The following UNC5C variants were observed in gnomAD, a reference collection of about 807,000 sequenced individuals.
UNC5C encodes the protein unc-5 netrin receptor C, also known as netrin receptor UNC5C.
A neutral mutation model predicts 99.8 loss-of-function variants in UNC5C; 47 were observed. That is an observed-to-expected ratio of 0.47 (90% CI 0.37 to 0.60). UNC5C has a LOEUF of 0.60. UNC5C is among the 20% of genes least tolerant of loss of function. The pLI is 0.00. For missense variants in UNC5C, 1,062 were observed against 1,165.9 expected, an observed-to-expected ratio of 0.91 and a Z score of 1.30; for synonymous variants, 487 against 452.2, an observed-to-expected ratio of 1.08 and a Z score of -0.98.
rs192329753 is a variant in UNC5C at position 95,452,620 on chromosome 4, T to C, written c.124+96114A>G. On this transcript the variant is annotated intron_variant, in intron 1 of 15. Transcript: ENST00000453304. Reference sequence around the variant, plus strand: ...ATTCTGTAAAATCAACAAGGACCCATTCTTCTCCACAAATCAAATAGGTAG... The same window carrying C: ...ATTCTGTAAAATCAACAAGGACCCACTCTTCTCCACAAATCAAATAGGTAG... 2.6e-3 allele frequency among the ~76,000 whole-genome samples: 399 copies of C among 152,228 alleles called. 4 individuals carry two copies. The highest frequency in any genetic ancestry group is 9.1e-3 in the African/African-American group (378 of 41,554).
At chr4:95,352,412 C>T (rs10516966) in intron 1 of UNC5C, among the ~76,000 whole-genome samples, 3,838 of 152,208 alleles carry the variant, frequency 0.025, 134 homozygotes, top group African/African-American at 0.086. Context: ...GATTCTTGAC[C>T]ATTGTATCTC....
At chr4:95,354,066 C>T (rs1744081942) in intron 1 of UNC5C, among the ~76,000 whole-genome samples, 1 of 152,128 alleles carries the variant, frequency 6.6e-6, no homozygotes, top group African/African-American at 2.4e-5. Context: ...TCATTTCCAA[C>T]ATAAAAACAA....
chr4:95,286,004 G>A (rs1320103911), intron 3 of UNC5C, among the ~76,000 whole-genome samples: 1 of 152,080 alleles, frequency 6.6e-6, no homozygotes, highest in Admixed American at 6.6e-5. Flanking sequence ...ACCTCTTCCT[G>A]CCTTAGTTTC....
intron 4 of UNC5C, among the ~76,000 whole-genome samples, chr4:95,274,141 C>T (rs544051026): frequency 6.6e-6 from 1 of 152,142 alleles, no homozygotes; most frequent in South Asian, 2.1e-4. Flanking sequence ...AATTTCAATA[C>T]AATCGGTAGG....
intron 7 of UNC5C, among the ~76,000 whole-genome samples, chr4:95,240,753 TCTATGAATGC>T (rs1341447921): frequency 6.6e-6 from 1 of 152,192 alleles, no homozygotes; most frequent in Non-Finnish European, 1.5e-5. Context: ...AGGAAAAAAT[TCTATGAATGC>T]CTAAGAAATG....
intron 2 of UNC5C, among the ~76,000 whole-genome samples, chr4:95,320,381 C>A (rs1320373762): frequency 1.4e-5 from 2 of 139,134 alleles, no homozygotes; most frequent in African/African-American, 2.7e-5. Flanking sequence ...GAGATCATGC[C>A]ATTGTACTCC....
intron 2 of UNC5C, among the ~76,000 whole-genome samples, chr4:95,326,812 T>C (rs1236517267): frequency 6.6e-6 from 1 of 152,208 alleles, no homozygotes; most frequent in East Asian, 1.9e-4. Context: ...AATAAATTTT[T>C]GTTTAAGTTT....
chr4:95,454,124 A>G (rs919424195), intron 1 of UNC5C, among the ~76,000 whole-genome samples: 1 of 152,076 alleles, frequency 6.6e-6, no homozygotes, highest in Non-Finnish European at 1.5e-5. Context: ...AAAACCACTC[A>G]ATTTCACCCT....
chr4:95,358,588 A>G (rs1261206638), intron 1 of UNC5C, among the ~76,000 whole-genome samples: 2 of 152,160 alleles, frequency 1.3e-5, no homozygotes, highest in African/African-American at 4.8e-5. Flanking sequence ...AAGTGGCTAC[A>G]CTTCCTTCTC....
chr4:95,303,762 T>C (rs955506397), intron 2 of UNC5C, among the ~76,000 whole-genome samples: 4 of 152,192 alleles, frequency 2.6e-5, no homozygotes, highest in Admixed American at 6.5e-5. Flanking sequence ...GAATTAAATA[T>C]ATACATATAT....
At chr4:95,193,291 G>A (rs749032504) in intron 12 of UNC5C, among the ~76,000 whole-genome samples, 6 of 152,232 alleles carry the variant, frequency 3.9e-5, no homozygotes, top group Non-Finnish European at 7.3e-5. Context: ...CAGAAGGCAG[G>A]AAGCGAAGCA....
chr4:95,405,560 G>A (rs1307586100), intron 1 of UNC5C, among the ~76,000 whole-genome samples: 1 of 152,126 alleles, frequency 6.6e-6, no homozygotes, highest in Non-Finnish European at 1.5e-5. Context: ...AACAACCTGT[G>A]CCTATATTAA....
chr4:95,250,382 C>G (rs2081845090), intron 5 of UNC5C, 105 bp downstream of exon 5: 1 of 1,260,030 alleles, frequency 7.9e-7, no homozygotes, highest in African/African-American at 1.5e-5. Context: ...AAGACCCTGT[C>G]TCAAATAATA....
chr4:95,432,843 G>C (rs1746670037), intron 1 of UNC5C, among the ~76,000 whole-genome samples: 1 of 151,942 alleles, frequency 6.6e-6, no homozygotes, highest in East Asian at 1.9e-4. Context: ...GCTCATAGTG[G>C]GTAGCAACTC....
At chr4:95,467,634 T>C (rs1179852092) in intron 1 of UNC5C, among the ~76,000 whole-genome samples, 1 of 152,132 alleles carries the variant, frequency 6.6e-6, no homozygotes, top group Non-Finnish European at 1.5e-5. Flanking sequence ...CATAAAAGTA[T>C]TGATTCCAGG....
At chr4:95,243,588 A>G (rs1579261551) in intron 6 of UNC5C, among the ~76,000 whole-genome samples, 1 of 152,226 alleles carries the variant, frequency 6.6e-6, no homozygotes, top group African/African-American at 2.4e-5. Context: ...TTTTATATCT[A>G]CATATTAGTA....
intron 1 of UNC5C, among the ~76,000 whole-genome samples, chr4:95,355,188 TG>T (rs1744136204): frequency 6.6e-6 from 1 of 152,168 alleles, no homozygotes; most frequent in Admixed American, 6.6e-5. Flanking sequence ...TCAGTTTTTG[TG>T]GCTATAAAAT....
At chr4:95,414,076 C>A (rs1386333260) in intron 1 of UNC5C, among the ~76,000 whole-genome samples, 1 of 152,222 alleles carries the variant, frequency 6.6e-6, no homozygotes, top group Non-Finnish European at 1.5e-5. Context: ...CCCCAAATAT[C>A]ACACCAGGTT....
At chr4:95,402,394 C>A (rs769247976) in intron 1 of UNC5C, among the ~76,000 whole-genome samples, 17 of 152,216 alleles carry the variant, frequency 1.1e-4, no homozygotes, top group Non-Finnish European at 2.2e-4. Flanking sequence ...ATCAAGCACA[C>A]TTCTCTCAGG....
Sources: allele counts gnomAD v4.1 joint callset (sites outside exome capture counted in the v4.1 genomes callset), GRCh38; gene constraint gnomAD v4.1.1; transcripts MANE v1.5; gene names NCBI Gene and HGNC (gene_info 2026-07-23, HGNC 2026-07-21).